Variants in MAP2K5 observed in about 807,000 individuals in gnomAD.
MAP2K5 encodes mitogen-activated protein kinase kinase 5, also known as dual specificity mitogen-activated protein kinase kinase 5.
A neutral mutation model predicts 83.1 loss-of-function variants in MAP2K5; 49 were observed. The observed-to-expected ratio is 0.59, with a 90% confidence interval of 0.47 to 0.75. The LOEUF is 0.75. Among genes scored for constraint, MAP2K5 ranks in the 30% least tolerant of loss-of-function variants. The pLI, the probability that MAP2K5 is intolerant of heterozygous loss-of-function variation, is 0.00. For missense variants in MAP2K5, 457 were observed against 557.5 expected (o/e 0.82, Z 1.82); for synonymous variants, 202 against 191.8 (o/e 1.05, Z -0.44).
At chr15:67,584,736 T>C (rs2085251972) in intron 4 of MAP2K5, among the ~76,000 whole-genome samples, 1 of 143,468 alleles carries the variant, frequency 7.0e-6, no homozygotes, top group Non-Finnish European at 1.5e-5. Context: ...TGGAGTGCAG[T>C]GGCGTGATCT....
At chr15:67,548,224 C>T (rs967181259) in intron 1 of MAP2K5, among the ~76,000 whole-genome samples, 1 of 152,164 alleles carries the variant, frequency 6.6e-6, no homozygotes, top group Non-Finnish European at 1.5e-5. Context: ...ATCTCAAGAT[C>T]GGAGTTTCCT....
chr15:67,596,967 C>A (rs1288062246), intron 7 of MAP2K5, among the ~76,000 whole-genome samples: 5 of 151,958 alleles, frequency 3.3e-5, no homozygotes, highest in Non-Finnish European at 1.5e-5. Flanking sequence ...GTCAGGAGAT[C>A]AAGACCATCC....
rs10529511 is a variant in MAP2K5 at position 67,774,167 on chromosome 15, ATGTGTGTGTGTG to A, written c.1242+1440_1242+1451del. On this transcript the variant is annotated intron_variant, in intron 21 of 21. Transcript: ENST00000178640. This position sits in a 1 kb window ranked among gnomAD's most constrained non-coding sequence, Gnocchi z 4.9. ...CCTTGAAAGCAAGTGATGTGTGTGTATGTGTGTGTGTGTGTGTGTGTGTGTGTGTGTGTGTGA... is the reference window on the plus strand; with the variant it reads ...CCTTGAAAGCAAGTGATGTGTGTGTATGTGTGTGTGTGTGTGTGTGTGTGA... Among the ~76,000 whole-genome samples the A allele has an allele frequency of 8.0e-4, 120 of 149,654 alleles. No homozygotes were observed. The highest frequency in any genetic ancestry group is 1.4e-3 in the Non-Finnish European group (92 of 67,478).
Position 67,543,405 on chromosome 15 carries a change from C to T in MAP2K5, c.70C>T (p.Pro24Ser). 1 of 1,614,142 alleles carries T rather than the reference C, an allele frequency of 6.2e-7. No homozygotes were observed. The highest frequency in any genetic ancestry group is 1.1e-5 in the South Asian group (1 of 91,084). Residue 24 changes from proline to serine, a missense_variant, in exon 1 of 22, where the codon CCA becomes TCA. Pro to Ser is a moderately conservative substitution (Grantham distance 74, BLOSUM62 -1). Coordinates refer to ENST00000178640, the MANE Select transcript of MAP2K5 (RefSeq NM_145160.3). The surrounding 1 kb of genome is among the most constrained non-coding windows in gnomAD (Gnocchi z 4.3). ...GGTGCTGGTAATTCGCATCAAGATC[C>T]CAAATAGTGGCGCGGTGGACTGGAC... ...NQVLVIRIKIPNSGAVDWTVH... is the reference protein window; with the variant it reads ...NQVLVIRIKISNSGAVDWTVH...
intron 13 of MAP2K5, among the ~76,000 whole-genome samples, chr15:67,685,302 T>C (rs537086264): frequency 6.6e-6 from 1 of 152,214 alleles, no homozygotes; most frequent in Non-Finnish European, 1.5e-5. Context: ...GAAAGACGTC[T>C]TTAAAATGTT....
chr15:67,798,239 CCT>C (rs1327538041), intron 21 of MAP2K5, among the ~76,000 whole-genome samples: 1 of 152,198 alleles, frequency 6.6e-6, no homozygotes, highest in East Asian at 1.9e-4. Flanking sequence ...CCTCCTGATC[CCT>C]CTGGGCATCT....
At chr15:67,763,431 C>G (rs982908228) in intron 19 of MAP2K5, among the ~76,000 whole-genome samples, 1 of 152,264 alleles carries the variant, frequency 6.6e-6, no homozygotes, top group South Asian at 2.1e-4. Context: ...CCACCTTTCT[C>G]CTTCTGATAA....
At chr15:67,642,187 G>A (rs956787196) in intron 9 of MAP2K5, among the ~76,000 whole-genome samples, 8 of 152,150 alleles carry the variant, frequency 5.3e-5, no homozygotes, top group Admixed American at 4.6e-4. Flanking sequence ...TACATTTTTA[G>A]TTTTAAATTC....
At position 67,638,639 on chromosome 15, in the gene MAP2K5, A is replaced by T. The variant is rs2086652055; in HGVS notation, c.586-7592A>T. 6.6e-6 allele frequency among the ~76,000 whole-genome samples: 1 copy of T among 152,196 alleles called. No homozygotes were observed. The highest frequency in any genetic ancestry group is 2.1e-4 in the South Asian group (1 of 4,822). ...TATTTCTGTTTTTAGGACTTTGAGGAATCACTGCACTGTCTTCCACAATGG... is the reference window on the plus strand; with the variant it reads ...TATTTCTGTTTTTAGGACTTTGAGGTATCACTGCACTGTCTTCCACAATGG... On this transcript the variant is annotated intron_variant, in intron 9 of 21. Transcript: ENST00000178640. The surrounding 1 kb of genome is among the most constrained non-coding windows in gnomAD (Gnocchi z 4.5).
At chr15:67,588,985 G>T (rs76669450) in intron 6 of MAP2K5, among the ~76,000 whole-genome samples, 1 of 148,034 alleles carries the variant, frequency 6.8e-6, no homozygotes, top group East Asian at 2.0e-4. Context: ...CTGATTAAGT[G>T]TTTTTTTTTT....
At chr15:67,771,355 C>T (rs542658184) in intron 20 of MAP2K5, among the ~76,000 whole-genome samples, 4 of 152,172 alleles carry the variant, frequency 2.6e-5, no homozygotes, top group African/African-American at 7.2e-5. Context: ...AATCTTATCT[C>T]GCTGTGTGGT....
At position 67,747,999 on chromosome 15, in the gene MAP2K5, A is replaced by G. The variant is rs543085915; in HGVS notation, c.1075-232A>G. On this transcript the variant is annotated intron_variant, in intron 17 of 21. Transcript: ENST00000178640. The surrounding 1 kb of genome is among the most constrained non-coding windows in gnomAD (Gnocchi z 4.1). ...GGATTATGGTTTTTCTCCCTATTCT[A>G]ATACAACCTGGAGGGTACTAAAAAG... Among the ~76,000 whole-genome samples the G allele has an allele frequency of 6.6e-6, 1 of 152,340 alleles. No homozygotes were observed. Among genetic ancestry groups the G allele is most frequent in the African/African-American group, 2.4e-5 (1 of 41,570 alleles).
Position 67,772,703 on chromosome 15 carries a change from A to C in MAP2K5, c.1197-4A>C. The C allele has an allele frequency of 6.2e-7, 1 of 1,601,826 alleles. No homozygotes were observed. The highest frequency in any genetic ancestry group is 8.5e-7 in the Non-Finnish European group (1 of 1,173,620). ...CATAAGGGGTTTTTTTCTCTCCACT[A>C]TAGTATGCGAAAACAGCCAAAAGAA... On this transcript the variant is annotated splice_region_variant and splice_polypyrimidine_tract_variant and intron_variant, in intron 20 of 21. Coordinates refer to ENST00000178640, the MANE Select transcript of MAP2K5 (RefSeq NM_145160.3).
At chr15:67,743,147 T>G (rs977174222) in intron 17 of MAP2K5, among the ~76,000 whole-genome samples, 3 of 152,216 alleles carry the variant, frequency 2.0e-5, no homozygotes, top group African/African-American at 7.2e-5. Flanking sequence ...GGATATGTAG[T>G]TTTTGCTTTT....
intron 17 of MAP2K5, among the ~76,000 whole-genome samples, chr15:67,743,123 C>A (rs1277480995): frequency 6.6e-6 from 1 of 152,218 alleles, no homozygotes; most frequent in African/African-American, 2.4e-5. Flanking sequence ...TACCTAGCTG[C>A]TTGCTAAATT....
chr15:67,789,641 G>A (rs573521732), intron 21 of MAP2K5, among the ~76,000 whole-genome samples: 19 of 151,904 alleles, frequency 1.3e-4, no homozygotes, highest in Admixed American at 2.0e-4. Flanking sequence ...TTGAACCCGG[G>A]GAGGTGGAGG....
chr15:67,723,864 A>G (rs2089027494), intron 16 of MAP2K5, among the ~76,000 whole-genome samples: 1 of 152,054 alleles, frequency 6.6e-6, no homozygotes, highest in East Asian at 1.9e-4. Context: ...CTTTGTTGTG[A>G]TTCTTTTTTT....
chr15:67,546,250 A>T (rs2140938608), intron 1 of MAP2K5: 1 of 152,420 alleles, frequency 6.6e-6, no homozygotes, highest in East Asian at 1.9e-4. Flanking sequence ...TTGGAACCTT[A>T]AACTTTAAAG....
At position 67,709,182 on chromosome 15, in the gene MAP2K5, G is replaced by T. The variant is rs542469879; in HGVS notation, c.1044+5774G>T. Among the ~76,000 whole-genome samples, 3 of 152,298 alleles carry T rather than the reference G, an allele frequency of 2.0e-5. No individual in the cohort carries two copies. In the East Asian group the frequency reaches 5.8e-4, roughly 29 times the overall value. On this transcript the variant is annotated intron_variant, in intron 16 of 21. Coordinates refer to ENST00000178640, the MANE Select transcript of MAP2K5 (RefSeq NM_145160.3). Reference sequence around the variant, plus strand: ...AGTTATGGAATCATTAAAGGTCATTGCCACATATGGGATTTGTGTGGGCTC... The same window carrying T: ...AGTTATGGAATCATTAAAGGTCATTTCCACATATGGGATTTGTGTGGGCTC...
Sources: gnomAD v4.1 joint callset for allele counts (sites outside exome capture counted in the v4.1 genomes callset) on GRCh38, gnomAD v4.1.1 for gene constraint, Gnocchi (gnomAD v3.1) non-coding constraint, MANE v1.5 for transcripts, NCBI Gene and HGNC (gene_info 2026-07-23, HGNC 2026-07-21) for gene names.